CYP19A1: variants seen among roughly 807,000 people sequenced by gnomAD.
CYP19A1 encodes the protein aromatase.
In CYP19A1, 32 loss-of-function variants were observed where a neutral mutation model predicts 44.4. The observed-to-expected ratio is 0.72, with a 90% CI of 0.54 to 0.97. The LOEUF (loss-of-function observed/expected upper bound fraction) is 0.97, where lower values mean the gene tolerates loss of function less well. Among genes scored for constraint, CYP19A1 ranks in the 50% least tolerant of loss-of-function variants. CYP19A1 has a pLI of 0.00. For synonymous variants in CYP19A1, 212 were observed against 215.6 expected, an observed-to-expected ratio of 0.98 and a Z score of 0.14; for missense variants, 598 against 637.8, an observed-to-expected ratio of 0.94 and a Z score of 0.67.
intron 1 of CYP19A1, among the ~76,000 whole-genome samples, chr15:51,335,969 G>A (rs1238233621): frequency 6.6e-6 from 1 of 152,182 alleles, no homozygotes; most frequent in Non-Finnish European, 1.5e-5. Flanking sequence ...TCCTGCCATA[G>A]GGCCTTGAAC....
intron 1 of CYP19A1, among the ~76,000 whole-genome samples, chr15:51,311,004 TAAAAC>T (rs747327774): frequency 2.0e-5 from 3 of 152,152 alleles, no homozygotes; most frequent in Non-Finnish European, 4.4e-5. Flanking sequence ...GATTACCTGC[TAAAAC>T]AAAACAAAAC....
chr15:51,304,890 CTTTTTTTTTTTTTT>C (rs545247348), intron 1 of CYP19A1, among the ~76,000 whole-genome samples: 3 of 104,572 alleles, frequency 2.9e-5, no homozygotes, highest in East Asian at 3.4e-4. Context: ...GTGTCTCTTC[CTTTTTTTTTTTTTT>C]TTTTTTTTTT....
rs2030865771 is a variant in CYP19A1 at position 51,210,757 on chromosome 15, A to G, written c.*51T>C. The G allele has an allele frequency of 2.5e-6, 3 of 1,177,434 alleles. No individual in the cohort carries two copies. The highest frequency in any genetic ancestry group is 2.4e-5 in the South Asian group (2 of 82,730). The allele number at this position is 1,177,434 out of a possible 1,614,324, so 72.9% of individuals were successfully genotyped here. On this transcript the variant is annotated 3_prime_UTR_variant, in exon 10 of 10. Transcript: ENST00000396402. ...CTATTGGCAAGGATGGATGATTTGTATGTGAACTACTGATGAGAAATGCTC... is the reference window on the plus strand; with the variant it reads ...CTATTGGCAAGGATGGATGATTTGTGTGTGAACTACTGATGAGAAATGCTC...
intron 1 of CYP19A1, among the ~76,000 whole-genome samples, chr15:51,275,216 T>TGCCATGGCCTGTGGCC (rs2035264322): frequency 6.6e-6 from 1 of 152,194 alleles, no homozygotes; most frequent in Admixed American, 6.5e-5. Flanking sequence ...CAAGAAATGG[T>TGCCATGGCCTGTGGCC]GCCATGGCCT....
At chr15:51,278,364 A>G (rs1336663527) in intron 1 of CYP19A1, among the ~76,000 whole-genome samples, 2 of 152,226 alleles carry the variant, frequency 1.3e-5, no homozygotes, top group Non-Finnish European at 2.9e-5. Flanking sequence ...CTGTGAACAG[A>G]GAGTAATATC....
chr15:51,282,575 A>G (rs561821606), intron 1 of CYP19A1, among the ~76,000 whole-genome samples: 2 of 152,260 alleles, frequency 1.3e-5, no homozygotes, highest in Admixed American at 6.5e-5. Flanking sequence ...CAGCCTCCAT[A>G]CTTGCGTTGG....
rs1356666512 is a variant in CYP19A1, at chr15:51,223,593, T to TCTCTCTCTCACACACACA, written c.452-1069_452-1068insTGTGTGTGTGAGAGAGAG. On this transcript the variant is annotated intron_variant, in intron 4 of 9. Transcript: ENST00000396402. ...CTTGCTCTCTCTCTCTCTCTCTCTC[T>TCTCTCTCTCACACACACA]CACACACACACACACACACACACAC... 4.4e-3 allele frequency among the ~76,000 whole-genome samples: 398 copies of TCTCTCTCTCACACACACA among 90,198 alleles called. 3 individuals are homozygous for TCTCTCTCTCACACACACA. Among genetic ancestry groups the TCTCTCTCTCACACACACA allele is most frequent in the Middle Eastern group, 0.012 (2 of 162 alleles). 59.2% of individuals were successfully genotyped at this position (90,198 alleles called of 152,430 possible).
At chr15:51,261,592 A>T (rs2034723570) in intron 1 of CYP19A1, among the ~76,000 whole-genome samples, 1 of 152,252 alleles carries the variant, frequency 6.6e-6, no homozygotes, top group Non-Finnish European at 1.5e-5. Context: ...TTCATTACAG[A>T]TGGCACAATG....
intron 1 of CYP19A1, among the ~76,000 whole-genome samples, chr15:51,303,534 A>G (rs963938719): frequency 2.0e-5 from 3 of 152,090 alleles, no homozygotes; most frequent in Non-Finnish European, 4.4e-5. Flanking sequence ...TAGAGATGCC[A>G]AGTAGGAGAT....
intron 1 of CYP19A1, among the ~76,000 whole-genome samples, chr15:51,292,816 CTT>C (rs763860830): frequency 2.8e-5 from 4 of 143,490 alleles, no homozygotes; most frequent in East Asian, 2.0e-4. Flanking sequence ...CAGAAAGTAG[CTT>C]TTTTTTTTTT....
chr15:51,230,913 C>T (rs1566882161), intron 3 of CYP19A1, among the ~76,000 whole-genome samples: 1 of 152,188 alleles, frequency 6.6e-6, no homozygotes, highest in Non-Finnish European at 1.5e-5. Context: ...TGAGCCACTG[C>T]ACCCGGCTGG....
intron 1 of CYP19A1, among the ~76,000 whole-genome samples, chr15:51,336,806 T>C (rs902376755): frequency 1.3e-5 from 2 of 152,348 alleles, no homozygotes; most frequent in Non-Finnish European, 1.5e-5. Flanking sequence ...GCACACAATG[T>C]TCTTGGCTGC....
intron 1 of CYP19A1, among the ~76,000 whole-genome samples, chr15:51,279,454 C>A (rs988387097): frequency 6.6e-6 from 1 of 152,136 alleles, no homozygotes; most frequent in Non-Finnish European, 1.5e-5. Context: ...AGGTGGAAGA[C>A]CCACAACCAA....
intron 1 of CYP19A1, among the ~76,000 whole-genome samples, chr15:51,249,292 T>G (rs1424998349): frequency 1.3e-5 from 2 of 152,192 alleles, no homozygotes; most frequent in African/African-American, 4.8e-5. Context: ...ACTCAAAGTC[T>G]GACTCCTGCT....
chr15:51,285,503 T>C (rs1408819952), intron 1 of CYP19A1, among the ~76,000 whole-genome samples: 2 of 151,952 alleles, frequency 1.3e-5, no homozygotes, highest in Non-Finnish European at 2.9e-5. Flanking sequence ...AAAAGCTGAG[T>C]GTTGGGAAAA....
chr15:51,254,281 A>C (rs1273352078), intron 1 of CYP19A1, among the ~76,000 whole-genome samples: 1 of 152,250 alleles, frequency 6.6e-6, no homozygotes, highest in African/African-American at 2.4e-5. Flanking sequence ...ATCTAATTTA[A>C]CTTACGTCTC....
chr15:51,284,588 T>C (rs1225103788), intron 1 of CYP19A1, among the ~76,000 whole-genome samples: 1 of 152,194 alleles, frequency 6.6e-6, no homozygotes, highest in Non-Finnish European at 1.5e-5. Context: ...TGATGAGAAA[T>C]ATGGGATATC....
intron 3 of CYP19A1, 138 bp downstream of exon 3, chr15:51,236,721 G>A (rs1327957489): frequency 1.3e-5 from 13 of 1,037,132 alleles, no homozygotes; most frequent in Non-Finnish European, 1.9e-5. Flanking sequence ...TAGATTTCTG[G>A]GGATTGCTCA....
At chr15:51,219,973 A>T (rs1049428208) in intron 5 of CYP19A1, among the ~76,000 whole-genome samples, 2 of 152,194 alleles carry the variant, frequency 1.3e-5, no homozygotes, top group Admixed American at 1.3e-4. Flanking sequence ...TGGCCATCAG[A>T]TGAAGTGTCT....
Sources: gnomAD v4.1 joint callset for allele counts (sites outside exome capture counted in the v4.1 genomes callset) on GRCh38, gnomAD v4.1.1 for gene constraint, MANE v1.5 for transcripts, NCBI Gene and HGNC (gene_info 2026-07-23, HGNC 2026-07-21) for gene names.